NLGN4Y: variants seen among roughly 807,000 people sequenced by gnomAD.
NLGN4Y encodes the protein neuroligin 4 Y-linked, also known as neuroligin-4, Y-linked.
Under a neutral mutation model 8.4 loss-of-function variants are expected in NLGN4Y, and 4 were observed. That is an observed-to-expected ratio of 0.48 (90% CI 0.23 to 1.09). NLGN4Y has a LOEUF of 1.09. Ranked by LOEUF, NLGN4Y falls within the 50% of genes least tolerant of loss-of-function variation. NLGN4Y has a pLI of 0.19. For missense variants in NLGN4Y, 90 were observed against 192.3 expected, an observed-to-expected ratio of 0.47 and a Z score of 3.15; for synonymous variants, 35 against 75.6, an observed-to-expected ratio of 0.46 and a Z score of 2.78.
intron 5 of NLGN4Y, among the ~76,000 whole-genome samples, chrY:14,828,467 C>A (rs2043157766): frequency 1.2e-4 from 4 of 32,274 alleles, no homozygotes; most frequent in African/African-American, 3.6e-4. Context: ...ATGAAAGTAT[C>A]CAACAGATTA....
chrY:14,791,392 A>T, intron 4 of NLGN4Y, among the ~76,000 whole-genome samples: 1 of 33,130 alleles, frequency 3.0e-5, no homozygotes, highest in Non-Finnish European at 7.4e-5. Flanking sequence ...TTTAACTTCA[A>T]TGTAAAATTT....
chrY:14,671,520 G>T, intron 2 of NLGN4Y, among the ~76,000 whole-genome samples: 2 of 24,172 alleles, frequency 8.3e-5, no homozygotes, highest in Non-Finnish European at 1.9e-4. Context: ...AACAGAACAA[G>T]ACCCCATCCT....
At chrY:14,630,461 T>TTACCTCTGGAAGAAACCC (rs2080544689) in intron 2 of NLGN4Y, among the ~76,000 whole-genome samples, 2 of 33,379 alleles carry the variant, frequency 6.0e-5, no homozygotes, top group African/African-American at 2.4e-4. Context: ...GGAAGAAACT[T>TTACCTCTGGAAGAAACCC]TACCTCTGGA....
chrY:14,656,952 C>T (rs749258126), intron 2 of NLGN4Y, among the ~76,000 whole-genome samples: 19 of 32,300 alleles, frequency 5.9e-4, no homozygotes, highest in African/African-American at 2.0e-3. Flanking sequence ...TAAATACCAG[C>T]GTCACTGCTT....
At chrY:14,654,586 T>C in intron 2 of NLGN4Y, among the ~76,000 whole-genome samples, 1 of 32,372 alleles carries the variant, frequency 3.1e-5, no homozygotes, top group Non-Finnish European at 7.5e-5. Context: ...ACTCCTTTTT[T>C]GCTGACCTCA....
chrY:14,597,969 A>G, intron 1 of NLGN4Y, among the ~76,000 whole-genome samples: 1 of 32,894 alleles, frequency 3.0e-5, no homozygotes. Context: ...TGAGCTAGAT[A>G]TAAAGACTCT....
At chrY:14,832,216 G>A (rs548625695) in intron 6 of NLGN4Y, among the ~76,000 whole-genome samples, 10 of 34,584 alleles carry the variant, frequency 2.9e-4, no homozygotes, top group African/African-American at 6.8e-4. Flanking sequence ...CAGAGGACAC[G>A]ATTTTTGTTT....
chrY:14,670,620 C>T, intron 2 of NLGN4Y, among the ~76,000 whole-genome samples: 2 of 33,217 alleles, frequency 6.0e-5, no homozygotes, highest in Non-Finnish European at 1.5e-4. Flanking sequence ...GAACCTATCC[C>T]ACAGATATAT....
At chrY:14,528,335 T>C (rs930300162) in intron 1 of NLGN4Y, among the ~76,000 whole-genome samples, 9 of 31,484 alleles carry the variant, frequency 2.9e-4, no homozygotes, top group Non-Finnish European at 6.1e-4. Context: ...GTATATTATA[T>C]ATATATAGTA....
chrY:14,639,518 G>A, intron 2 of NLGN4Y: 2 of 222,789 alleles, frequency 9.0e-6, no homozygotes, highest in Non-Finnish European at 1.5e-5. Flanking sequence ...GAACAGATGA[G>A]GCTACCTTCA....
At chrY:14,679,970 T>C in intron 2 of NLGN4Y, among the ~76,000 whole-genome samples, 1 of 33,394 alleles carries the variant, frequency 3.0e-5, no homozygotes, top group African/African-American at 1.2e-4. Flanking sequence ...ATCTCTGCTT[T>C]GGATTCGGAA....
At chrY:14,688,734 A>G in intron 2 of NLGN4Y, among the ~76,000 whole-genome samples, 1 of 30,457 alleles carries the variant, frequency 3.3e-5, no homozygotes, top group Non-Finnish European at 7.8e-5. Context: ...TAAAAGCACA[A>G]TTGGAGCAGC....
intron 4 of NLGN4Y, among the ~76,000 whole-genome samples, chrY:14,757,791 G>A (rs767590836): frequency 5.3e-4 from 18 of 33,650 alleles, no homozygotes; most frequent in African/African-American, 1.2e-3. Context: ...GCTCTGTTAC[G>A]CAGACTGGTC....
At chrY:14,824,131 G>A in intron 4 of NLGN4Y, 57 bp from the exon 5 acceptor site, 3 of 355,713 alleles carry the variant, frequency 8.4e-6, no homozygotes, top group Non-Finnish European at 1.2e-5. Flanking sequence ...TTTTCAAATG[G>A]TGGGGATGTG....
intron 1 of NLGN4Y, among the ~76,000 whole-genome samples, chrY:14,554,142 C>T: frequency 3.3e-5 from 1 of 29,969 alleles, no homozygotes; most frequent in South Asian, 7.9e-4. Context: ...ACACATAATC[C>T]CCTACCTAAA....
intron 2 of NLGN4Y, among the ~76,000 whole-genome samples, chrY:14,695,033 G>A: frequency 3.0e-5 from 1 of 33,717 alleles, no homozygotes; most frequent in Non-Finnish European, 7.3e-5. Context: ...GGTTGGAGGA[G>A]GCACATGCAG....
intron 2 of NLGN4Y, among the ~76,000 whole-genome samples, chrY:14,633,898 T>G: frequency 3.0e-5 from 1 of 33,522 alleles, no homozygotes; most frequent in Non-Finnish European, 7.4e-5. Context: ...ATAGGTCCTA[T>G]CTTCCTATTC....
intron 4 of NLGN4Y, among the ~76,000 whole-genome samples, chrY:14,725,165 A>G: frequency 3.0e-5 from 1 of 33,634 alleles, no homozygotes; most frequent in Admixed American, 2.7e-4. Flanking sequence ...AGGTGCTTTC[A>G]GATGCTTCCA....
At chrY:14,766,453 A>G (rs913188866) in intron 4 of NLGN4Y, among the ~76,000 whole-genome samples, 2 of 33,658 alleles carry the variant, frequency 5.9e-5, no homozygotes, top group Non-Finnish European at 7.4e-5. Flanking sequence ...GAAGTACAAC[A>G]TTCACAAACT....
Sources: allele counts gnomAD v4.1 joint callset (sites outside exome capture counted in the v4.1 genomes callset), GRCh38; gene constraint gnomAD v4.1.1; transcripts MANE v1.5; gene names NCBI Gene and HGNC (gene_info 2026-07-23, HGNC 2026-07-21).